IL10RB: variants seen among roughly 807,000 people sequenced by gnomAD.
IL10RB encodes interleukin 10 receptor subunit beta, also known as interleukin-10 receptor subunit beta.
In IL10RB, 30 loss-of-function variants were observed where a neutral mutation model predicts 38.7. The ratio of observed to expected loss-of-function variants is 0.78; its 90% CI spans 0.58 to 1.05. IL10RB has a LOEUF of 1.05. IL10RB is among the 50% of genes least tolerant of loss of function. The pLI is 0.00. For missense variants in IL10RB, 328 were observed against 397.1 expected (o/e 0.83, Z 1.48); for synonymous variants, 142 against 145.9 (o/e 0.97, Z 0.19).
intron 6 of IL10RB, 126 bp downstream of exon 6, chr21:33,288,387 A>C: frequency 4.4e-6 from 3 of 688,656 alleles, no homozygotes; most frequent in Non-Finnish European, 7.9e-6. Context: ...GCGCGCACAC[A>C]CACACACACA....
intron 1 of IL10RB, among the ~76,000 whole-genome samples, chr21:33,307,779 T>C (rs1280832517): frequency 6.6e-6 from 1 of 152,224 alleles, no homozygotes; most frequent in Non-Finnish European, 1.5e-5. Flanking sequence ...TTTTTCTTCA[T>C]AGTATGTAGC....
chr21:33,299,418 T>C (rs1432993668), downstream of IL10RB, among the ~76,000 whole-genome samples: 1 of 152,192 alleles, frequency 6.6e-6, no homozygotes, highest in African/African-American at 2.4e-5. Context: ...AAAACATATG[T>C]CCAGTTGGTT....
intron 2 of IL10RB, among the ~76,000 whole-genome samples, chr21:33,275,729 G>A (rs928761892): frequency 3.9e-5 from 6 of 152,242 alleles, no homozygotes; most frequent in Non-Finnish European, 1.5e-5. Context: ...GCCTGTTGTG[G>A]CCTGCAATAT....
rs1988939118 is a variant in IL10RB, at chr21:33,266,370, T to C, written c.-96T>C. The C allele has an allele frequency of 7.1e-7, 1 of 1,408,996 alleles. No homozygotes were observed. Among genetic ancestry groups the C allele is most frequent in the Non-Finnish European group, 9.6e-7 (1 of 1,040,378 alleles). The allele number at this position is 1,408,996 out of a possible 1,614,324, so 87.3% of individuals were successfully genotyped here. A position where few individuals can be genotyped will look rare whatever the true frequency, so the allele number is the denominator to read the frequency against. On this transcript the variant is annotated 5_prime_UTR_variant, in exon 1 of 7. Coordinates refer to ENST00000290200, the MANE Select transcript of IL10RB (RefSeq NM_000628.5). ...CCCTCCCCACCCCGCCCCGCCCATC[T>C]CCGCTGGTTCCCGGAAGCCGCCGCG...
chr21:33,295,172 T>G (rs767411547), intron 6 of IL10RB, among the ~76,000 whole-genome samples: 2 of 151,982 alleles, frequency 1.3e-5, no homozygotes, highest in African/African-American at 2.4e-5. Context: ...GAGACCATCC[T>G]AGCTAACGCT....
chr21:33,304,915 TATTTTCCTAA>T (rs2082995207), intron 1 of IL10RB, among the ~76,000 whole-genome samples: 1 of 152,198 alleles, frequency 6.6e-6, no homozygotes, highest in Non-Finnish European at 1.5e-5. Flanking sequence ...CAAACAGCGT[TATTTTCCTAA>T]AGATCGTAAG....
chr21:33,298,271 C>G (rs2046792751), downstream of IL10RB, among the ~76,000 whole-genome samples: 2 of 152,158 alleles, frequency 1.3e-5, no homozygotes. Flanking sequence ...GAGGGTAGAT[C>G]TGTGATTGCT....
intron 1 of IL10RB, among the ~76,000 whole-genome samples, chr21:33,306,076 C>G (rs369580555): frequency 1.3e-5 from 2 of 152,112 alleles, no homozygotes; most frequent in South Asian, 4.2e-4. Context: ...AAGTGATCTG[C>G]CCACCTCGTC....
At chr21:33,295,044 G>C (rs2082958046) in intron 6 of IL10RB, among the ~76,000 whole-genome samples, 1 of 152,240 alleles carries the variant, frequency 6.6e-6, no homozygotes, top group Non-Finnish European at 1.5e-5. Context: ...GTGTGTTTTA[G>C]ATTTGCTAGT....
rs533835478 is a variant in IL10RB at position 33,296,036 on chromosome 21, T to G, written c.805-148T>G. 1.8e-5 allele frequency: 8 copies of G among 440,434 alleles called. No homozygotes were observed. In the South Asian group the frequency reaches 2.1e-4, roughly 12 times the overall value. 27.3% of individuals were successfully genotyped at this position (440,434 alleles called of 1,614,324 possible). ...TCCAGCCTGGGTGACAGAGCAAGACTCTGTCTCAAAAAAATAAAATAAACA... is the reference window on the plus strand; with the variant it reads ...TCCAGCCTGGGTGACAGAGCAAGACGCTGTCTCAAAAAAATAAAATAAACA... On this transcript the variant is annotated intron_variant, in intron 6 of 6. Coordinates refer to ENST00000290200, the MANE Select transcript of IL10RB (RefSeq NM_000628.5).
chr21:33,270,093 GCTCAGGAA>G (rs1406496120), intron 2 of IL10RB, among the ~76,000 whole-genome samples: 1 of 152,178 alleles, frequency 6.6e-6, no homozygotes, highest in African/African-American at 2.4e-5. Flanking sequence ...ACAGTGAGAA[GCTCAGGAA>G]CTTTTACATT....
chr21:33,281,946 A>G (rs1381009766), intron 4 of IL10RB, among the ~76,000 whole-genome samples: 1 of 152,164 alleles, frequency 6.6e-6, no homozygotes, highest in African/African-American at 2.4e-5. Context: ...GGGATTGAGA[A>G]GGTCCCTCTA....
At chr21:33,301,993 C>T (rs192881489), downstream of IL10RB, among the ~76,000 whole-genome samples, 15 of 152,284 alleles carry the variant, frequency 9.9e-5, no homozygotes, top group Admixed American at 3.3e-4. Context: ...CCATGGAAAG[C>T]GACACAGGTG....
intron 1 of IL10RB, chr21:33,308,249 T>G (rs2083003524): frequency 6.6e-6 from 1 of 152,234 alleles, no homozygotes; most frequent in Admixed American, 6.5e-5. Flanking sequence ...AAAGGAACCT[T>G]GTTCTTCATT....
At chr21:33,270,248 T>C (rs1989050754) in intron 2 of IL10RB, among the ~76,000 whole-genome samples, 1 of 152,254 alleles carries the variant, frequency 6.6e-6, no homozygotes, top group South Asian at 2.1e-4. Context: ...TATCATTTGC[T>C]TTCTGTGCTG....
intron 1 of IL10RB, among the ~76,000 whole-genome samples, chr21:33,306,004 G>A (rs2082998136): frequency 6.6e-6 from 1 of 151,970 alleles, no homozygotes; most frequent in South Asian, 2.1e-4. Context: ...GCTAATTTTT[G>A]TATTTTTAGT....
At chr21:33,269,576 C>G (rs925796612) in intron 2 of IL10RB, among the ~76,000 whole-genome samples, 2 of 151,946 alleles carry the variant, frequency 1.3e-5, no homozygotes, top group African/African-American at 4.8e-5. Context: ...CAAAATAATT[C>G]CAGACTAACA....
At position 33,266,391 on chromosome 21, in the gene IL10RB, C is replaced by T. The variant is rs1223040089; in HGVS notation, c.-75C>T. 1 of 1,499,072 alleles carries T rather than the reference C, an allele frequency of 6.7e-7. No individual in the cohort carries two copies. Among genetic ancestry groups the T allele is most frequent in the Non-Finnish European group, 9.0e-7 (1 of 1,117,086 alleles). The allele number at this position is 1,499,072 out of a possible 1,614,324, so 92.9% of individuals were successfully genotyped here. ...CATCTCCGCTGGTTCCCGGAAGCCGCCGCGGACAAGCTCTCCCGGGCGCGG... is the reference window on the plus strand; with the variant it reads ...CATCTCCGCTGGTTCCCGGAAGCCGTCGCGGACAAGCTCTCCCGGGCGCGG... On this transcript the variant is annotated 5_prime_UTR_variant, in exon 1 of 7. Transcript: ENST00000290200.
chr21:33,266,469 G>T lies in IL10RB; in HGVS notation c.4G>T (p.Ala2Ser). Residue 2 changes from alanine (A) to serine (S), a missense_variant, in exon 1 of 7, where the codon GCG (alanine) becomes TCG (serine). By Grantham distance (99) the Ala-to-Ser change is moderately conservative (BLOSUM62 1). Coordinates refer to ENST00000290200, the MANE Select transcript of IL10RB (RefSeq NM_000628.5). ...GCGGAACCCCCAGCGTCCGTCCATG[G>T]CGTGGAGCCTTGGGAGCTGGCTGGG... M[A>S]WSLGSWLGGC... is the part of the protein sequence containing the mutation. The T allele has an allele frequency of 3.9e-6, 6 of 1,542,212 alleles. No homozygotes were observed. Among genetic ancestry groups the T allele is most frequent in the Non-Finnish European group, 5.2e-6 (6 of 1,146,908 alleles).
Sources: gnomAD v4.1 joint callset for allele counts (sites outside exome capture counted in the v4.1 genomes callset) on GRCh38, gnomAD v4.1.1 for gene constraint, MANE v1.5 for transcripts, NCBI Gene and HGNC (gene_info 2026-07-23, HGNC 2026-07-21) for gene names.